SEMA3E: variants seen among roughly 807,000 people sequenced by gnomAD.
The protein encoded by SEMA3E is semaphorin 3E.
In SEMA3E, 49 loss-of-function variants were observed where a neutral mutation model predicts 93.6. The ratio of observed to expected loss-of-function variants is 0.52; its 90% CI spans 0.42 to 0.66. The LOEUF (loss-of-function observed/expected upper bound fraction) is 0.66. Among genes scored for constraint, SEMA3E ranks in the 30% least tolerant of loss-of-function variants. The pLI is 0.00. For missense variants in SEMA3E, 906 were observed against 964.8 expected (o/e 0.94, Z 0.81); for synonymous variants, 363 against 330.7 (o/e 1.10, Z -1.06).
chr7:83,469,131 A>C (rs1789837183), intron 3 of SEMA3E, 112 bp downstream of exon 3: 1 of 832,928 alleles, frequency 1.2e-6, no homozygotes, highest in South Asian at 1.5e-5. Context: ...TCATGAACCA[A>C]ATTGCATACA....
chr7:83,570,207 G>A lies in SEMA3E; in HGVS notation c.115+78221C>T, dbSNP rs141789770. The stretch of plus-strand genomic sequence containing the variant: ...AGACACAGCTTACCAATATATTTGG[G>A]ATGCAGCTAACGCAGCGTTAAGAAG... On this transcript the variant is annotated intron_variant, in intron 1 of 16. Transcript: ENST00000643230. Among the ~76,000 whole-genome samples, 100 of 152,202 alleles carry A rather than the reference G, an allele frequency of 6.6e-4. No individual in the cohort carries two copies. In the East Asian group the frequency reaches 0.017, roughly 26 times the overall value.
At chr7:83,384,504 T>C (rs1787842300) in intron 16 of SEMA3E, among the ~76,000 whole-genome samples, 1 of 146,014 alleles carries the variant, frequency 6.8e-6, no homozygotes, top group Admixed American at 6.9e-5. Context: ...CATTTTTTTT[T>C]CTACTTGCTA....
At chr7:83,633,893 A>G (rs1793832725) in intron 1 of SEMA3E, among the ~76,000 whole-genome samples, 2 of 152,188 alleles carry the variant, frequency 1.3e-5, no homozygotes. Flanking sequence ...AAATTGCAAT[A>G]TTACACACAC....
At position 83,466,590 on chromosome 7, in the gene SEMA3E, T is replaced by C; in HGVS notation, c.348A>G (p.Ala116=). The C allele has an allele frequency of 6.2e-7, 1 of 1,613,580 alleles. No homozygotes were observed. Among genetic ancestry groups the C allele is most frequent in the Non-Finnish European group, 8.5e-7 (1 of 1,179,988 alleles). Residue 116 remains alanine (A), a synonymous_variant, in exon 4 of 17, where the codon GCA becomes GCG. Transcript: ENST00000643230. The part of the protein sequence containing the change: ...IMKGKDAGEC[A]NYVRVLHHYN... ...AGTGATGCAAAACCCGAACATAATT[T>C]GCACATTCACCCTAAAGCAGGAAAA...
chr7:83,534,188 C>T (rs1426965056), intron 1 of SEMA3E, among the ~76,000 whole-genome samples: 1 of 152,256 alleles, frequency 6.6e-6, no homozygotes, highest in East Asian at 1.9e-4. Context: ...ACAAGAGTTA[C>T]AACACAAAAT....
At chr7:83,398,222 T>A (rs1344295311) in intron 11 of SEMA3E, among the ~76,000 whole-genome samples, 1 of 152,300 alleles carries the variant, frequency 6.6e-6, no homozygotes, top group Admixed American at 6.5e-5. Flanking sequence ...GGAATTACTT[T>A]GATCAATATG....
Position 83,554,659 on chromosome 7 carries a change from A to G in SEMA3E, c.116-64385T>C, listed in dbSNP as rs534081544. ...TTCAATTACAGAACATTTACTTTAT[A>G]ACAAGATTACTAACACTTTAAAGAC... On this transcript the variant is annotated intron_variant, in intron 1 of 16. Transcript: ENST00000643230. 1.8e-4 allele frequency among the ~76,000 whole-genome samples: 28 copies of G among 152,258 alleles called. No individual in the cohort carries two copies. In the South Asian group the frequency reaches 5.8e-3, roughly 32 times the overall value.
intron 1 of SEMA3E, among the ~76,000 whole-genome samples, chr7:83,604,580 C>CATAT (rs1228570988): frequency 6.7e-6 from 1 of 149,072 alleles, no homozygotes; most frequent in East Asian, 2.0e-4. Context: ...TATAACCCAA[C>CATAT]ATATATATAT....
At chr7:83,486,230 G>T (rs999845882) in intron 2 of SEMA3E, among the ~76,000 whole-genome samples, 1 of 152,102 alleles carries the variant, frequency 6.6e-6, no homozygotes, top group African/African-American at 2.4e-5. Flanking sequence ...GCTAAATTAA[G>T]TGTGGAGACT....
At chr7:83,622,159 A>T (rs890597037) in intron 1 of SEMA3E, among the ~76,000 whole-genome samples, 1 of 150,444 alleles carries the variant, frequency 6.6e-6, no homozygotes, top group African/African-American at 2.4e-5. Context: ...AAAAACACTT[A>T]AAAGTGGGCA....
Position 83,418,484 on chromosome 7 carries a change from C to T in SEMA3E, c.457-1G>A. The T allele has an allele frequency of 6.2e-7, 1 of 1,606,778 alleles. No individual in the cohort carries two copies. Among genetic ancestry groups the T allele is most frequent in the South Asian group, 1.1e-5 (1 of 90,042 alleles). ...GTGATTCCAGGTGAAACAGAGGATC[C>T]TTGAAAGAAAACCAGAAAAATCATT... On this transcript the variant is annotated splice_acceptor_variant, in intron 4 of 16. Coordinates refer to ENST00000643230, the MANE Select transcript of SEMA3E (RefSeq NM_012431.3). LOFTEE classifies it high-confidence loss of function.
chr7:83,501,669 A>G (rs766337264), intron 1 of SEMA3E, among the ~76,000 whole-genome samples: 1 of 152,148 alleles, frequency 6.6e-6, no homozygotes, highest in African/African-American at 2.4e-5. Context: ...CTGGTCTATT[A>G]TCTACTTCTT....
At chr7:83,474,384 G>A (rs1037367908) in intron 2 of SEMA3E, among the ~76,000 whole-genome samples, 4 of 151,996 alleles carry the variant, frequency 2.6e-5, no homozygotes, top group African/African-American at 7.2e-5. Context: ...ATATTACTTC[G>A]ATGTTGTTAT....
At chr7:83,473,236 C>T (rs975791932) in intron 2 of SEMA3E, among the ~76,000 whole-genome samples, 34 of 152,148 alleles carry the variant, frequency 2.2e-4, no homozygotes, top group Non-Finnish European at 4.3e-4. Context: ...CAAACAGCTT[C>T]TTTCTCCTCA....
chr7:83,427,603 T>G (rs942812342), intron 4 of SEMA3E, among the ~76,000 whole-genome samples: 2 of 152,190 alleles, frequency 1.3e-5, no homozygotes, highest in Non-Finnish European at 2.9e-5. Flanking sequence ...ACTTCAATAT[T>G]AGCTATATAT....
intron 2 of SEMA3E, among the ~76,000 whole-genome samples, chr7:83,479,622 A>T (rs1790100695): frequency 6.6e-6 from 1 of 152,132 alleles, no homozygotes; most frequent in Admixed American, 6.5e-5. Context: ...GCACTTAATA[A>T]CTCACCTAAT....
intron 1 of SEMA3E, among the ~76,000 whole-genome samples, chr7:83,577,753 G>A (rs978772772): frequency 4.3e-4 from 66 of 152,076 alleles, no homozygotes; most frequent in Admixed American, 2.0e-4. Flanking sequence ...CTAGGAGAGA[G>A]AATGTAAAGT....
intron 1 of SEMA3E, among the ~76,000 whole-genome samples, chr7:83,516,453 T>C (rs1215725855): frequency 6.6e-6 from 1 of 152,192 alleles, no homozygotes. Flanking sequence ...AAAAAACATA[T>C]TTCCATTACA....
intron 2 of SEMA3E, among the ~76,000 whole-genome samples, chr7:83,486,156 T>A (rs1790248216): frequency 6.6e-6 from 1 of 152,142 alleles, no homozygotes; most frequent in African/African-American, 2.4e-5. Flanking sequence ...TAGCTGGGAC[T>A]ACAGGCATGT....
Sources: allele counts gnomAD v4.1 joint callset (sites outside exome capture counted in the v4.1 genomes callset), GRCh38; gene constraint gnomAD v4.1.1; transcripts MANE v1.5; gene names NCBI Gene and HGNC (gene_info 2026-07-23, HGNC 2026-07-21).